The following BACE2 variants were observed in gnomAD, a reference collection of about 807,000 sequenced individuals.
BACE2 encodes the protein beta-secretase 2.
A neutral mutation model predicts 46.2 loss-of-function variants in BACE2; 17 were observed. That is an observed-to-expected ratio of 0.37 (90% CI 0.25 to 0.55). BACE2 has a LOEUF of 0.55. Among genes scored for constraint, BACE2 ranks in the 20% least tolerant of loss-of-function variants. BACE2 has a pLI of 0.82. For synonymous variants in BACE2, 277 were observed against 295.9 expected (o/e 0.94, Z 0.66); for missense variants, 595 against 698.1 (o/e 0.85, Z 1.66).
chr21:41,235,099 A>G (rs1229526805), intron 2 of BACE2, among the ~76,000 whole-genome samples: 2 of 152,246 alleles, frequency 1.3e-5, no homozygotes, highest in Admixed American at 6.5e-5. Context: ...TCTCCTGATT[A>G]TAAAAATAAT....
At chr21:41,256,159 TA>T (rs1987782412) in intron 7 of BACE2, among the ~76,000 whole-genome samples, 1 of 152,150 alleles carries the variant, frequency 6.6e-6, no homozygotes, top group South Asian at 2.1e-4. Flanking sequence ...GTTACATAGT[TA>T]TACAGGTGGC....
chr21:41,170,800 C>A (rs1002739680), intron 1 of BACE2, among the ~76,000 whole-genome samples: 1 of 152,168 alleles, frequency 6.6e-6, no homozygotes, highest in Non-Finnish European at 1.5e-5. Context: ...AAGAATTTTT[C>A]AAGAATTAAG....
chr21:41,236,591 G>C (rs1568880479), intron 2 of BACE2: 1 of 152,258 alleles, frequency 6.6e-6, no homozygotes, highest in Non-Finnish European at 1.5e-5. Flanking sequence ...TTTGGTGAGA[G>C]TATAATCACC....
chr21:41,172,861 G>A (rs777139085), intron 1 of BACE2, among the ~76,000 whole-genome samples: 6 of 152,198 alleles, frequency 3.9e-5, no homozygotes, highest in Non-Finnish European at 8.8e-5. Flanking sequence ...CAAAAAGCAA[G>A]GCGACAGCAG....
chr21:41,184,421 G>A (rs942185628), intron 1 of BACE2: 1 of 167,028 alleles, frequency 6.0e-6, no homozygotes, highest in Non-Finnish European at 1.5e-5. Context: ...ACAAACTCTT[G>A]TATAAGCTTT....
chr21:41,178,942 A>C (rs766217132), intron 1 of BACE2: 2 of 434,636 alleles, frequency 4.6e-6, no homozygotes, highest in Non-Finnish European at 3.8e-6. Flanking sequence ...CCTGCTTTAT[A>C]AGGGCGGTTA....
chr21:41,233,257 C>T (rs1044654416), intron 2 of BACE2, among the ~76,000 whole-genome samples: 7 of 152,232 alleles, frequency 4.6e-5, no homozygotes. Flanking sequence ...TTTTGTTCTA[C>T]ATGCTTTACA....
chr21:41,192,678 G>A (rs933275198), intron 1 of BACE2, among the ~76,000 whole-genome samples: 1 of 152,178 alleles, frequency 6.6e-6, no homozygotes, highest in African/African-American at 2.4e-5. Flanking sequence ...AAGCACCATT[G>A]GATCTGCTGG....
intron 7 of BACE2, among the ~76,000 whole-genome samples, chr21:41,253,190 C>G (rs34157675): frequency 0.023 from 3,507 of 152,050 alleles, 75 homozygotes; most frequent in Non-Finnish European, 0.03. Flanking sequence ...GCCTGTAATC[C>G]CAGCACTTTG....
intron 1 of BACE2, among the ~76,000 whole-genome samples, chr21:41,217,823 A>T (rs1262670088): frequency 6.6e-6 from 1 of 152,242 alleles, no homozygotes; most frequent in African/African-American, 2.4e-5. Flanking sequence ...GGAGCAAGTA[A>T]AGGCGGCGGC....
intron 8 of BACE2, among the ~76,000 whole-genome samples, chr21:41,264,244 G>A (rs998380991): frequency 1.9e-4 from 28 of 149,106 alleles, no homozygotes; most frequent in African/African-American, 5.9e-4. Context: ...TTTTCATTTC[G>A]ATGACTATAT....
intron 8 of BACE2, among the ~76,000 whole-genome samples, chr21:41,263,410 C>T (rs1027252045): frequency 6.6e-6 from 1 of 152,192 alleles, no homozygotes; most frequent in African/African-American, 2.4e-5. Flanking sequence ...AAAACCATCA[C>T]TTTTATCAAA....
chr21:41,225,931 G>A (rs1278900584), intron 1 of BACE2, among the ~76,000 whole-genome samples: 2 of 152,230 alleles, frequency 1.3e-5, no homozygotes, highest in South Asian at 2.1e-4. Flanking sequence ...AAACCTGGCC[G>A]AAAGCCCAGA....
chr21:41,242,625 A>T, intron 4 of BACE2, among the ~76,000 whole-genome samples: 1 of 152,140 alleles, frequency 6.6e-6, no homozygotes, highest in Non-Finnish European at 1.5e-5. Flanking sequence ...CATAGGATTT[A>T]TGAGGAAATG....
At chr21:41,275,228 A>T in intron 8 of BACE2, 143 bp from the exon 9 acceptor site, 2 of 1,133,194 alleles carry the variant, frequency 1.8e-6, no homozygotes, top group Non-Finnish European at 2.5e-6. Context: ...GACCCCACTC[A>T]GTGCTTCCTG....
At chr21:41,271,989 T>G (rs1423799198) in intron 8 of BACE2, among the ~76,000 whole-genome samples, 3 of 152,100 alleles carry the variant, frequency 2.0e-5, no homozygotes, top group Admixed American at 6.5e-5. Flanking sequence ...TTGAAGAACT[T>G]TCTGTAGTGA....
At chr21:41,257,477 G>A (rs781323717) in intron 8 of BACE2, 151 bp downstream of exon 8, 51 of 914,196 alleles carry the variant, frequency 5.6e-5, no homozygotes, top group Non-Finnish European at 7.9e-5. Flanking sequence ...TCAATAAAAT[G>A]GGTCATGGGG....
intron 8 of BACE2, among the ~76,000 whole-genome samples, chr21:41,269,950 T>C (rs1436292157): frequency 6.6e-6 from 1 of 152,242 alleles, no homozygotes; most frequent in African/African-American, 2.4e-5. Context: ...TCATGTCACA[T>C]TCCTGCCAAC....
chr21:41,195,581 C>T (rs1023086000), intron 1 of BACE2, among the ~76,000 whole-genome samples: 3 of 152,178 alleles, frequency 2.0e-5, no homozygotes, highest in Non-Finnish European at 4.4e-5. Context: ...ACTTCCTGCC[C>T]CTCACACCTC....
Sources: gnomAD v4.1 joint callset for allele counts (sites outside exome capture counted in the v4.1 genomes callset) on GRCh38, gnomAD v4.1.1 for gene constraint, MANE v1.5 for transcripts, NCBI Gene and HGNC (gene_info 2026-07-23, HGNC 2026-07-21) for gene names.